The following BABAM2 variants were observed in gnomAD, a reference collection of about 807,000 sequenced individuals.
The protein encoded by BABAM2 is BRISC and BRCA1-A complex member 2.
In BABAM2, 31 loss-of-function variants were observed where a neutral mutation model predicts 54.7. The ratio of observed to expected loss-of-function variants is 0.57; its 90% confidence interval spans 0.43 to 0.77. The LOEUF (loss-of-function observed/expected upper bound fraction) is 0.77. Among genes scored for constraint, BABAM2 ranks in the 30% least tolerant of loss-of-function variants. BABAM2 has a pLI of 0.00. For synonymous variants in BABAM2, 167 were observed against 162.9 expected (o/e 1.03, Z -0.19); for missense variants, 364 against 455.8 (o/e 0.80, Z 1.83).
In BABAM2 at chr2:28,196,321, C is replaced by CGTCTCAAAAAAAAA. The variant is rs1360883175; in HGVS notation, c.681-40881_681-40880insGTCTCAAAAAAAAA. Among the ~76,000 whole-genome samples the CGTCTCAAAAAAAAA allele has an allele frequency of 1.6e-4, 17 of 107,682 alleles. 1 individual carries two copies. Among genetic ancestry groups the CGTCTCAAAAAAAAA allele is most frequent in the Middle Eastern group, 9.9e-3 (2 of 202 alleles). 70.6% of individuals were successfully genotyped at this position (107,682 alleles called of 152,430 possible). A position where few individuals can be genotyped will look rare whatever the true frequency, so the allele number is the denominator to read the frequency against. ...CAGCCTGGGCAACAGAGCAAGACTC[C>CGTCTCAAAAAAAAA]ATATAAAAAAAAAATGAATTTTTTA... is the stretch of plus-strand genomic sequence containing the variant. On this transcript the variant is annotated intron_variant, in intron 7 of 11. Transcript: ENST00000379624.
chr2:28,168,671 C>T (rs1480433243), intron 7 of BABAM2, among the ~76,000 whole-genome samples: 1 of 152,140 alleles, frequency 6.6e-6, no homozygotes, highest in South Asian at 2.1e-4. Context: ...AGCTTCATTC[C>T]GATCAGGTTT....
chr2:28,261,809 G>T (rs1684568003), intron 10 of BABAM2, among the ~76,000 whole-genome samples: 1 of 141,498 alleles, frequency 7.1e-6, no homozygotes, highest in Non-Finnish European at 1.5e-5. Context: ...CCTTCCAGTG[G>T]CCTCCAGACC....
intron 4 of BABAM2, among the ~76,000 whole-genome samples, chr2:28,001,449 C>T (rs978521217): frequency 6.6e-6 from 1 of 152,196 alleles, no homozygotes; most frequent in East Asian, 1.9e-4. Flanking sequence ...TATTTAGGCA[C>T]TGTGCTCCAT....
chr2:28,179,709 A>T (rs956126022), intron 7 of BABAM2, among the ~76,000 whole-genome samples: 16 of 152,214 alleles, frequency 1.1e-4, no homozygotes, highest in Admixed American at 1.0e-3. Context: ...AGATAATGTG[A>T]TCTTATATCT....
At chr2:28,070,953 A>G (rs1233015164) in intron 6 of BABAM2, among the ~76,000 whole-genome samples, 1 of 152,126 alleles carries the variant, frequency 6.6e-6, no homozygotes, top group African/African-American at 2.4e-5. Flanking sequence ...AGATCATAGC[A>G]CACCACCACT....
chr2:27,956,894 C>G (rs1327041810), intron 3 of BABAM2, among the ~76,000 whole-genome samples: 1 of 152,084 alleles, frequency 6.6e-6, no homozygotes, highest in Non-Finnish European at 1.5e-5. Flanking sequence ...ACATTGGAAG[C>G]AAAAGATAAA....
At chr2:28,288,574 C>T (rs1361865075) in intron 10 of BABAM2, among the ~76,000 whole-genome samples, 1 of 152,142 alleles carries the variant, frequency 6.6e-6, no homozygotes, top group Admixed American at 6.5e-5. Flanking sequence ...GATCCACCCA[C>T]CTCAGCCTCC....
intron 7 of BABAM2, among the ~76,000 whole-genome samples, chr2:28,139,276 G>A (rs1015697993): frequency 4.7e-5 from 6 of 127,170 alleles, no homozygotes; most frequent in Non-Finnish European, 6.1e-5. Context: ...AGCCAAGAAC[G>A]CACCATTGCA....
chr2:28,068,597 G>A (rs559292664), intron 6 of BABAM2, among the ~76,000 whole-genome samples: 1 of 152,268 alleles, frequency 6.6e-6, no homozygotes, highest in South Asian at 2.1e-4. Context: ...TTGTATGAGT[G>A]TAATGAGAAT....
At chr2:28,112,757 G>A (rs1668247596) in intron 6 of BABAM2, among the ~76,000 whole-genome samples, 1 of 152,150 alleles carries the variant, frequency 6.6e-6, no homozygotes, top group Non-Finnish European at 1.5e-5. Context: ...GGTATTTCTA[G>A]TTCTAGATCC....
At chr2:27,966,622 T>G (rs1242778611) in intron 3 of BABAM2, among the ~76,000 whole-genome samples, 1 of 152,200 alleles carries the variant, frequency 6.6e-6, no homozygotes, top group Non-Finnish European at 1.5e-5. Flanking sequence ...CTCAGGCCAG[T>G]CTTTTCAGTC....
chr2:27,929,695 T>C, intron 2 of BABAM2, 137 bp from the exon 3 acceptor site: 1 of 706,814 alleles, frequency 1.4e-6, no homozygotes, highest in Non-Finnish European at 2.3e-6. Flanking sequence ...ATTAAAGGCT[T>C]TTATTTTGTT....
At chr2:27,964,702 TA>T (rs962284102) in intron 3 of BABAM2, among the ~76,000 whole-genome samples, 4 of 152,212 alleles carry the variant, frequency 2.6e-5, no homozygotes, top group Admixed American at 2.6e-4. Context: ...TGCTGGTTTT[TA>T]AAGATAGAAA....
chr2:28,074,108 G>C (rs1461422794), intron 6 of BABAM2, among the ~76,000 whole-genome samples: 1 of 151,784 alleles, frequency 6.6e-6, no homozygotes, highest in Non-Finnish European at 1.5e-5. Context: ...TAATTTTTAT[G>C]ACTGGTGCTC....
Position 27,941,512 on chromosome 2 carries a change from C to T in BABAM2, c.205+11604C>T, listed in dbSNP as rs374127766. Among the ~76,000 whole-genome samples the T allele has an allele frequency of 2.7e-3, 406 of 150,974 alleles. 2 individuals are homozygous for T. The highest frequency in any genetic ancestry group is 9.4e-3 in the African/African-American group (386 of 41,012). ...CGGAGGTTGCAGCTAGCCGAGATCG[C>T]GGCACTGCACACCAGCCTGGGTGAC... On this transcript the variant is annotated intron_variant, in intron 3 of 11. Transcript: ENST00000379624.
intron 2 of BABAM2, 152 bp from the exon 3 acceptor site, chr2:27,929,680 T>A (rs1484453345): frequency 3.3e-6 from 2 of 609,832 alleles, no homozygotes; most frequent in African/African-American, 3.7e-5. Flanking sequence ...TTGGCTTCCA[T>A]GACTATTAAA....
At chr2:28,313,387 G>A (rs558996576) in intron 11 of BABAM2, among the ~76,000 whole-genome samples, 4 of 152,348 alleles carry the variant, frequency 2.6e-5, no homozygotes, top group African/African-American at 9.6e-5. Flanking sequence ...GAAAATTCCA[G>A]TGACTCCTAT....
Position 28,029,551 on chromosome 2 carries a change from A to G in BABAM2, c.495+4131A>G, listed in dbSNP as rs537626098. Among the ~76,000 whole-genome samples, 25 of 152,310 alleles carry G rather than the reference A, an allele frequency of 1.6e-4. 1 individual carries two copies. The highest frequency in any genetic ancestry group is 5.3e-4 in the African/African-American group (22 of 41,564). The stretch of plus-strand genomic sequence containing the variant: ...GGATTTCCTTCCTTTTTAAGGCTGC[A>G]TAGTGTTCAATTGAGTGTATTTACC... On this transcript the variant is annotated intron_variant, in intron 5 of 11. Transcript: ENST00000379624.
intron 7 of BABAM2, among the ~76,000 whole-genome samples, chr2:28,197,100 A>G (rs1175601186): frequency 6.6e-6 from 1 of 151,234 alleles, no homozygotes; most frequent in African/African-American, 2.4e-5. Context: ...AATCCACCCA[A>G]CCTACACCTC....
Sources: allele counts gnomAD v4.1 joint callset (sites outside exome capture counted in the v4.1 genomes callset), GRCh38; gene constraint gnomAD v4.1.1; transcripts MANE v1.5; gene names NCBI Gene and HGNC (gene_info 2026-07-23, HGNC 2026-07-21).